Variants in SLMAP observed in about 807,000 individuals in gnomAD.
SLMAP encodes sarcolemma associated protein, also known as sarcolemmal membrane-associated protein.
Under a neutral mutation model 128.8 loss-of-function variants are expected in SLMAP, and 44 were observed. The observed-to-expected ratio is 0.34, with a 90% CI of 0.27 to 0.44. The LOEUF (loss-of-function observed/expected upper bound fraction) is 0.44. SLMAP is among the 20% of genes least tolerant of loss of function. The pLI, the probability that SLMAP is intolerant of heterozygous loss-of-function variation, is 1.00. For synonymous variants in SLMAP, 327 were observed against 348.8 expected, an observed-to-expected ratio of 0.94 and a Z score of 0.70; for missense variants, 787 against 985.3, an observed-to-expected ratio of 0.80 and a Z score of 2.69.
At chr3:57,782,672 C>T (rs2083310201) in intron 2 of SLMAP, among the ~76,000 whole-genome samples, 1 of 152,046 alleles carries the variant, frequency 6.6e-6, no homozygotes, top group Non-Finnish European at 1.5e-5. Context: ...TGGGTTTTGC[C>T]ATATTGTCCA....
intron 14 of SLMAP, among the ~76,000 whole-genome samples, chr3:57,885,931 G>A (rs1283275592): frequency 7.0e-6 from 1 of 142,622 alleles, no homozygotes; most frequent in Non-Finnish European, 1.5e-5. Context: ...TTACAGGCGT[G>A]CATCACCATG....
intron 24 of SLMAP, 121 bp from the exon 25 acceptor site, chr3:57,927,175 G>T: frequency 2.1e-6 from 1 of 471,844 alleles, no homozygotes; most frequent in South Asian, 6.2e-5. Context: ...TATTTATGAT[G>T]CAGAAATAAG....
Position 57,845,755 on chromosome 3 carries a change from C to A in SLMAP, c.420-1442C>A, listed in dbSNP as rs139593305. ...GTAATAGTAGTGATCAAGTCCATTT[C>A]CAAAGCACTGTTTTAAGCTTTTATT... On this transcript the variant is annotated intron_variant, in intron 4 of 24. Coordinates refer to ENST00000671191, the MANE Select transcript of SLMAP (RefSeq NM_001377540.1). Among the ~76,000 whole-genome samples the A allele has an allele frequency of 2.2e-3, 330 of 152,236 alleles. 1 individual carries two copies. Among genetic ancestry groups the A allele is most frequent in the African/African-American group, 7.7e-3 (320 of 41,542 alleles).
rs763949250 is a variant in SLMAP, at chr3:57,862,004, G to A, written c.884G>A (p.Arg295Lys). The change falls in exon 10 of 25, where the codon AGG becomes AAG. Residue 295 changes from arginine to lysine, a missense_variant. Coordinates refer to ENST00000671191, the MANE Select transcript of SLMAP (RefSeq NM_001377540.1). ...ECTHLKEMNE[R>K]TQEELRELAN... ...ACCCATCTGAAAGAAATGAATGAAA[G>A]GACTCAGGAAGAATTAAGAGAATTA... The A allele has an allele frequency of 6.2e-7, 1 of 1,608,902 alleles. No homozygotes were observed. Among genetic ancestry groups the A allele is most frequent in the South Asian group, 1.1e-5 (1 of 90,946 alleles).
intron 2 of SLMAP, among the ~76,000 whole-genome samples, chr3:57,761,436 A>G (rs2153428631): frequency 6.6e-6 from 1 of 151,908 alleles, no homozygotes; most frequent in Non-Finnish European, 1.5e-5. Context: ...CTGAGATTAC[A>G]GGCATTCATC....
rs367679121 is a variant in SLMAP, at chr3:57,888,751, A to G, written c.1301-1290A>G. ...GAAAAATAAAATCAATGTATTATTTAGAAATATAAATGTAAGTATCAGAAG... is the reference window on the plus strand; with the variant it reads ...GAAAAATAAAATCAATGTATTATTTGGAAATATAAATGTAAGTATCAGAAG... On this transcript the variant is annotated intron_variant, in intron 14 of 24. Transcript: ENST00000671191. 7.4e-4 allele frequency among the ~76,000 whole-genome samples: 113 copies of G among 152,364 alleles called. 2 individuals carry two copies. The highest frequency in any genetic ancestry group is 2.5e-3 in the African/African-American group (105 of 41,600).
chr3:57,777,727 G>T (rs1374948124), intron 2 of SLMAP, among the ~76,000 whole-genome samples: 7 of 152,138 alleles, frequency 4.6e-5, no homozygotes, highest in African/African-American at 1.7e-4. Flanking sequence ...ACAGTCAAAA[G>T]ACACACATAA....
chr3:57,857,533 T>C (rs1369486622), intron 6 of SLMAP, among the ~76,000 whole-genome samples, 200 bp from the exon 7 acceptor site: 1 of 152,232 alleles, frequency 6.6e-6, no homozygotes, highest in Non-Finnish European at 1.5e-5. Flanking sequence ...TACTGCACTA[T>C]AACTGAAACT....
intron 10 of SLMAP, among the ~76,000 whole-genome samples, chr3:57,862,483 CA>C (rs2095124003): frequency 6.6e-6 from 1 of 150,792 alleles, no homozygotes; most frequent in South Asian, 2.1e-4. Flanking sequence ...ACTAAAAATA[CA>C]AAAATTAGCT....
intron 6 of SLMAP, among the ~76,000 whole-genome samples, chr3:57,853,894 TC>T (rs1359690824): frequency 7.3e-6 from 1 of 136,842 alleles, no homozygotes; most frequent in Admixed American, 7.6e-5. Context: ...TGAGCCGAGA[TC>T]ATGCCACTGC....
Position 57,787,767 on chromosome 3 carries a change from A to T in SLMAP, c.198+29918A>T, listed in dbSNP as rs117210630. Among the ~76,000 whole-genome samples, 1,774 of 152,318 alleles carry T rather than the reference A, an allele frequency of 0.012. 74 individuals carry two copies. The East Asian group carries it at 0.13, about 12-fold the overall frequency. ...GCTGAGATTACAGGCGTGAGCCACC[A>T]TGCCCGGCTAGGCATCTCTTTATTG... is the stretch of plus-strand genomic sequence containing the variant. On this transcript the variant is annotated intron_variant, in intron 2 of 24. Transcript: ENST00000671191.
At chr3:57,783,084 G>GT (rs1231639266) in intron 2 of SLMAP, among the ~76,000 whole-genome samples, 3 of 152,344 alleles carry the variant, frequency 2.0e-5, no homozygotes, top group African/African-American at 7.2e-5. Context: ...GGTTGTTGCT[G>GT]TAACAAACAC....
intron 2 of SLMAP, among the ~76,000 whole-genome samples, chr3:57,812,260 G>A (rs750925969): frequency 2.0e-5 from 3 of 152,092 alleles, no homozygotes; most frequent in Non-Finnish European, 4.4e-5. Context: ...ATAGTGTTAC[G>A]TTAGGCTCCA....
At chr3:57,893,004 T>C (rs1450345048) in intron 15 of SLMAP, among the ~76,000 whole-genome samples, 1 of 151,728 alleles carries the variant, frequency 6.6e-6, no homozygotes, top group African/African-American at 2.4e-5. Flanking sequence ...TGGCTAATTT[T>C]TTGTAGTTTT....
chr3:57,878,379 C>T lies in SLMAP; in HGVS notation c.1300+6681C>T, dbSNP rs550240067. Reference sequence around the variant, plus strand: ...GGAAATAATTTTCTGGTTTGAATACCGATTATAACAATTTGTGTATTGATA... The same window carrying T: ...GGAAATAATTTTCTGGTTTGAATACTGATTATAACAATTTGTGTATTGATA... On this transcript the variant is annotated intron_variant, in intron 14 of 24. Coordinates refer to ENST00000671191, the MANE Select transcript of SLMAP (RefSeq NM_001377540.1). 1.2e-4 allele frequency among the ~76,000 whole-genome samples: 18 copies of T among 152,054 alleles called. No individual in the cohort carries two copies. The East Asian group carries it at 1.9e-3, about 16-fold the overall frequency.
At chr3:57,827,219 G>T (rs1024152021) in intron 2 of SLMAP, among the ~76,000 whole-genome samples, 1 of 152,060 alleles carries the variant, frequency 6.6e-6, no homozygotes, top group Non-Finnish European at 1.5e-5. Flanking sequence ...GTTGGTGTTT[G>T]GATATTGCAA....
At chr3:57,883,041 C>G (rs1287695920) in intron 14 of SLMAP, among the ~76,000 whole-genome samples, 1 of 151,938 alleles carries the variant, frequency 6.6e-6, no homozygotes, top group East Asian at 1.9e-4. Flanking sequence ...CTATATTTCT[C>G]TCATTTATCT....
At chr3:57,880,359 G>A (rs1380342156) in intron 14 of SLMAP, among the ~76,000 whole-genome samples, 1 of 151,852 alleles carries the variant, frequency 6.6e-6, no homozygotes, top group Non-Finnish European at 1.5e-5. Flanking sequence ...ATGCCACCAC[G>A]CCCAGCTAAC....
At chr3:57,912,350 G>C (rs1379581518) in intron 19 of SLMAP, 31 bp from the exon 20 acceptor site, 1 of 1,577,706 alleles carries the variant, frequency 6.3e-7, no homozygotes, top group African/African-American at 1.3e-5. Context: ...TATTCTAATG[G>C]GCCAAGAAAA....
Sources: gnomAD v4.1 joint callset for allele counts (sites outside exome capture counted in the v4.1 genomes callset) on GRCh38, gnomAD v4.1.1 for gene constraint, MANE v1.5 for transcripts, NCBI Gene and HGNC (gene_info 2026-07-23, HGNC 2026-07-21) for gene names.